The following RXFP1 variants were observed in gnomAD, a reference collection of about 807,000 sequenced individuals.
RXFP1 encodes relaxin receptor 1.
In RXFP1, 73 loss-of-function variants were observed where a neutral mutation model predicts 89.8. The ratio of observed to expected loss-of-function variants is 0.81; its 90% CI spans 0.67 to 0.99. RXFP1 has a LOEUF of 0.99. RXFP1 is among the 50% of genes least tolerant of loss of function. The pLI, the probability that RXFP1 is intolerant of heterozygous loss-of-function variation, is 0.00. For missense variants in RXFP1, 793 were observed against 895.5 expected, an observed-to-expected ratio of 0.89 and a Z score of 1.46; for synonymous variants, 277 against 305.5, an observed-to-expected ratio of 0.91 and a Z score of 0.97.
intron 4 of RXFP1, among the ~76,000 whole-genome samples, chr4:158,602,434 A>G (rs938952095): frequency 5.3e-5 from 8 of 152,096 alleles, no homozygotes; most frequent in East Asian, 1.9e-4. Context: ...TGCTTGTGCT[A>G]TAGTGATTCA....
intron 4 of RXFP1, 36 bp from the exon 5 acceptor site, chr4:158,605,032 A>G: frequency 8.0e-7 from 1 of 1,254,538 alleles, no homozygotes; most frequent in Non-Finnish European, 1.1e-6. Context: ...GTAAAGGAAA[A>G]ACAACTTTAA....
chr4:158,539,961 A>G (rs1444285015), intron 1 of RXFP1, among the ~76,000 whole-genome samples: 1 of 152,208 alleles, frequency 6.6e-6, no homozygotes, highest in Non-Finnish European at 1.5e-5. Context: ...TTTAGAAAAA[A>G]GGGAAATTGT....
intron 1 of RXFP1, among the ~76,000 whole-genome samples, chr4:158,548,273 C>G (rs2149872621): frequency 6.6e-6 from 1 of 152,120 alleles, no homozygotes; most frequent in African/African-American, 2.4e-5. Flanking sequence ...GGATTGCAAC[C>G]CCTGCCTTTT....
chr4:158,529,783 C>A (rs558683003), intron 1 of RXFP1, among the ~76,000 whole-genome samples: 3 of 152,318 alleles, frequency 2.0e-5, no homozygotes, highest in Non-Finnish European at 4.4e-5. Context: ...TCTCACCACA[C>A]CTTCTGACAA....
chr4:158,613,414 A>G (rs1763936515), intron 8 of RXFP1, among the ~76,000 whole-genome samples: 1 of 152,264 alleles, frequency 6.6e-6, no homozygotes, highest in Non-Finnish European at 1.5e-5. Flanking sequence ...ATTGAAGTCA[A>G]TACTCTCAAA....
At chr4:158,564,778 T>G (rs1376824847) in intron 1 of RXFP1, among the ~76,000 whole-genome samples, 1 of 152,230 alleles carries the variant, frequency 6.6e-6, no homozygotes, top group Admixed American at 6.5e-5. Flanking sequence ...CCAGAGGGAC[T>G]CAATATCATT....
chr4:158,597,377 G>T (rs547477611), intron 3 of RXFP1, among the ~76,000 whole-genome samples: 2 of 152,198 alleles, frequency 1.3e-5, no homozygotes, highest in Admixed American at 6.5e-5. Flanking sequence ...GATTTGGAAA[G>T]AATTACTTAC....
intron 14 of RXFP1, 53 bp from the exon 15 acceptor site, chr4:158,644,856 G>T (rs1304170257): frequency 1.7e-6 from 2 of 1,181,324 alleles, no homozygotes; most frequent in Admixed American, 1.9e-5. Flanking sequence ...ATGAATGTAT[G>T]GTGACACTGA....
At chr4:158,650,709 C>T (rs1207750401) in intron 17 of RXFP1, among the ~76,000 whole-genome samples, 2 of 151,786 alleles carry the variant, frequency 1.3e-5, no homozygotes, top group Non-Finnish European at 2.9e-5. Context: ...GCAGAGACTT[C>T]AGTGAGCGGA....
intron 12 of RXFP1, among the ~76,000 whole-genome samples, chr4:158,635,212 C>T (rs1002694042): frequency 4.6e-5 from 7 of 152,250 alleles, no homozygotes; most frequent in African/African-American, 9.6e-5. Flanking sequence ...AGCAATGTTT[C>T]GCAGTTGCCA....
intron 8 of RXFP1, 89 bp downstream of exon 8, chr4:158,612,451 T>A: frequency 1.0e-6 from 1 of 980,566 alleles, no homozygotes; most frequent in South Asian, 1.7e-5. Context: ...TAAATTTGGA[T>A]TTGTTAAAAC....
At chr4:158,568,582 C>T (rs1359648201) in intron 1 of RXFP1, among the ~76,000 whole-genome samples, 1 of 152,092 alleles carries the variant, frequency 6.6e-6, no homozygotes, top group African/African-American at 2.4e-5. Context: ...CTCTGAAATA[C>T]GTGATGTTCT....
At chr4:158,634,128 C>T (rs1247759040) in intron 12 of RXFP1, among the ~76,000 whole-genome samples, 1 of 152,192 alleles carries the variant, frequency 6.6e-6, no homozygotes, top group Non-Finnish European at 1.5e-5. Flanking sequence ...AACCATTTTA[C>T]ATTTCCGCTA....
intron 1 of RXFP1, among the ~76,000 whole-genome samples, chr4:158,549,552 C>T (rs1049385409): frequency 1.3e-5 from 2 of 152,156 alleles, no homozygotes; most frequent in African/African-American, 4.8e-5. Flanking sequence ...TCCAGTTTTT[C>T]TGCTCTGTTT....
chr4:158,543,041 T>C (rs1359301127), intron 1 of RXFP1, among the ~76,000 whole-genome samples: 1 of 152,140 alleles, frequency 6.6e-6, no homozygotes, highest in African/African-American at 2.4e-5. Flanking sequence ...CAAAATAATC[T>C]GAAAACAAAC....
chr4:158,644,041 C>CTTTTTTT (rs70962619), intron 14 of RXFP1, among the ~76,000 whole-genome samples: 2 of 78,310 alleles, frequency 2.6e-5, no homozygotes, highest in African/African-American at 4.3e-5. Flanking sequence ...TCTATGTCTT[C>CTTTTTTT]TTTTTTTTTT....
intron 2 of RXFP1, among the ~76,000 whole-genome samples, chr4:158,582,382 G>A (rs149395426): frequency 2.6e-5 from 4 of 152,264 alleles, no homozygotes; most frequent in African/African-American, 9.6e-5. Flanking sequence ...TCTCTGTGGT[G>A]CCAGGACATT....
At position 158,646,943 on chromosome 4, in the gene RXFP1, G is replaced by A; in HGVS notation, c.1498G>A (p.Val500Ile). The A allele has an allele frequency of 6.2e-7, 1 of 1,614,158 alleles. No homozygotes were observed. Among genetic ancestry groups the A allele is most frequent in the South Asian group, 1.1e-5 (1 of 91,084 alleles). Residue 500 changes from valine to isoleucine, a missense_variant, in exon 16 of 18, where the codon GTT becomes ATT. Physicochemically the swap from Val to Ile is conservative, Grantham distance 29. Coordinates refer to ENST00000307765, the MANE Select transcript of RXFP1 (RefSeq NM_021634.4). ...SLAILSTEVS[V>I]LLLTFLTLEK... Reference sequence around the variant, plus strand: ...GGCCATTCTGTCCACAGAAGTATCAGTTTTACTGTTAACATTTCTGACATT... The same window carrying A: ...GGCCATTCTGTCCACAGAAGTATCAATTTTACTGTTAACATTTCTGACATT...
At chr4:158,605,662 T>G (rs1349708685) in intron 5 of RXFP1, among the ~76,000 whole-genome samples, 1 of 152,210 alleles carries the variant, frequency 6.6e-6, no homozygotes, top group Non-Finnish European at 1.5e-5. Flanking sequence ...ATTTTGGCCT[T>G]GAGTAGTATC....
Sources: allele counts gnomAD v4.1 joint callset (sites outside exome capture counted in the v4.1 genomes callset), GRCh38; gene constraint gnomAD v4.1.1; transcripts MANE v1.5; gene names NCBI Gene and HGNC (gene_info 2026-07-23, HGNC 2026-07-21).